Variants in ADGRL3 observed in about 807,000 individuals in gnomAD.
ADGRL3 encodes calcium-independent alpha-latrotoxin receptor 3.
Under a neutral mutation model 153.5 loss-of-function variants are expected in ADGRL3, and 62 were observed. That is an observed-to-expected ratio of 0.40 (90% CI 0.33 to 0.50). The LOEUF (loss-of-function observed/expected upper bound fraction) is 0.50, where lower values mean the gene tolerates loss of function less well. Among genes scored for constraint, ADGRL3 ranks in the 20% least tolerant of loss-of-function variants. The probability of loss-of-function intolerance (pLI) is 0.47; values close to 1 mark genes in which losing one functional copy is unlikely to be tolerated. For missense variants in ADGRL3, 1,641 were observed against 1,859.4 expected (o/e 0.88, Z 2.16); for synonymous variants, 710 against 672.5 (o/e 1.06, Z -0.86).
At chr4:61,907,111 G>T (rs1270371740) in intron 11 of ADGRL3, among the ~76,000 whole-genome samples, 4 of 152,110 alleles carry the variant, frequency 2.6e-5, no homozygotes, top group Admixed American at 6.5e-5. Context: ...AGGGCTTTTG[G>T]ATCTTGCCCA....
At chr4:61,860,529 A>G in intron 9 of ADGRL3, among the ~76,000 whole-genome samples, 1 of 151,944 alleles carries the variant, frequency 6.6e-6, no homozygotes, top group Admixed American at 6.6e-5. Context: ...GGAGTAGAAG[A>G]CTTTTATGAT....
chr4:62,050,147 C>T (rs561307758), intron 25 of ADGRL3, among the ~76,000 whole-genome samples: 30 of 152,050 alleles, frequency 2.0e-4, no homozygotes, highest in African/African-American at 7.0e-4. Context: ...GATTGTGCTA[C>T]CCTGGAGGCT....
At chr4:61,706,284 T>C (rs1289863351) in intron 6 of ADGRL3, among the ~76,000 whole-genome samples, 1 of 151,950 alleles carries the variant, frequency 6.6e-6, no homozygotes, top group East Asian at 1.9e-4. Flanking sequence ...TAGCTGGGCG[T>C]GGTGGCACAT....
intron 21 of ADGRL3, among the ~76,000 whole-genome samples, chr4:62,011,482 G>A (rs1166700651): frequency 1.3e-5 from 2 of 151,982 alleles, no homozygotes; most frequent in Non-Finnish European, 2.9e-5. Context: ...CTCGGTATAG[G>A]GCGGTTATCT....
intron 1 of ADGRL3, among the ~76,000 whole-genome samples, chr4:61,225,417 T>C (rs560366892): frequency 3.9e-4 from 60 of 152,298 alleles, no homozygotes; most frequent in Admixed American, 2.0e-3. Flanking sequence ...ATATAACCTT[T>C]CCATTTCTCC....
chr4:61,920,012 CTCTT>C (rs888958313), intron 13 of ADGRL3, among the ~76,000 whole-genome samples: 2 of 152,130 alleles, frequency 1.3e-5, no homozygotes, highest in African/African-American at 4.8e-5. Flanking sequence ...AATATTTTCT[CTCTT>C]CTTTGCACCA....
chr4:61,930,106 G>A (rs566879234), intron 13 of ADGRL3, among the ~76,000 whole-genome samples: 10 of 151,710 alleles, frequency 6.6e-5, no homozygotes, highest in Admixed American at 5.3e-4. Context: ...AACCTGGGAG[G>A]TGGAGCTTGC....
intron 1 of ADGRL3, among the ~76,000 whole-genome samples, chr4:61,239,184 G>A (rs1387964644): frequency 6.6e-6 from 1 of 152,156 alleles, no homozygotes; most frequent in Admixed American, 6.6e-5. Context: ...GGTTAGGAGA[G>A]TCAAAGCATG....
intron 1 of ADGRL3, among the ~76,000 whole-genome samples, chr4:61,355,175 A>T (rs886686632): frequency 7.2e-5 from 11 of 152,050 alleles, no homozygotes; most frequent in Non-Finnish European, 1.6e-4. Flanking sequence ...GCAAAATGAG[A>T]TGTACTCTGT....
intron 4 of ADGRL3, among the ~76,000 whole-genome samples, chr4:61,525,303 C>T (rs1328364423): frequency 6.6e-6 from 1 of 151,904 alleles, no homozygotes; most frequent in Non-Finnish European, 1.5e-5. Flanking sequence ...GGAGGGTGTT[C>T]CAGAGAACTG....
In ADGRL3 at chr4:61,491,565, C is replaced by T. The variant is rs1417608365; in HGVS notation, c.-173-5556C>T. The stretch of plus-strand genomic sequence containing the variant: ...TTAAATAAAACAACTGGTTATTCTT[C>T]TTTGTAATTTATATCATTTCTTTTT... On this transcript the variant is annotated intron_variant, in intron 2 of 26. Coordinates refer to ENST00000683033, the MANE Select transcript of ADGRL3 (RefSeq NM_001387552.1). Among the ~76,000 whole-genome samples the T allele has an allele frequency of 2.6e-5, 4 of 152,104 alleles. No homozygotes were observed. The East Asian group carries it at 7.8e-4, about 30-fold the overall frequency.
In ADGRL3 at chr4:61,756,884, G is replaced by T. The variant is rs901542648; in HGVS notation, c.1399+23330G>T. Among the ~76,000 whole-genome samples, 5 of 152,104 alleles carry T rather than the reference G, an allele frequency of 3.3e-5. No homozygotes were observed. The East Asian group carries it at 9.6e-4, about 29-fold the overall frequency. On this transcript the variant is annotated intron_variant, in intron 8 of 26. Coordinates refer to ENST00000683033, the MANE Select transcript of ADGRL3 (RefSeq NM_001387552.1). ...CTGCATCTATTGAGATAATCATATG[G>T]TTTTTGTCATTGGTTCTGTTTATAT...
chr4:61,315,999 A>C (rs2095198311), intron 1 of ADGRL3, among the ~76,000 whole-genome samples: 1 of 152,186 alleles, frequency 6.6e-6, no homozygotes, highest in Non-Finnish European at 1.5e-5. Flanking sequence ...ACAATAAACA[A>C]ATTTGTTCCA....
chr4:61,590,944 T>C (rs1285222376), intron 5 of ADGRL3, among the ~76,000 whole-genome samples: 1 of 152,198 alleles, frequency 6.6e-6, no homozygotes, highest in South Asian at 2.1e-4. Flanking sequence ...GGACGTTTTA[T>C]TGATGTATAA....
chr4:62,011,291 A>G (rs143666651), intron 21 of ADGRL3, among the ~76,000 whole-genome samples: 194 of 152,232 alleles, frequency 1.3e-3, no homozygotes, highest in African/African-American at 4.5e-3. Flanking sequence ...AAGGAACACA[A>G]TTAAACTTGG....
intron 1 of ADGRL3, among the ~76,000 whole-genome samples, chr4:61,224,505 C>G (rs1747038566): frequency 6.6e-6 from 1 of 152,158 alleles, no homozygotes; most frequent in Non-Finnish European, 1.5e-5. Flanking sequence ...TCCAGATTTT[C>G]TCTGGAGGAA....
chr4:61,756,697 C>T (rs992577493), intron 8 of ADGRL3, among the ~76,000 whole-genome samples: 13 of 152,114 alleles, frequency 8.5e-5, no homozygotes, highest in African/African-American at 2.2e-4. Flanking sequence ...TGTCTTGTGC[C>T]GGTTTCCAAA....
chr4:61,563,772 G>A (rs1199332724), intron 4 of ADGRL3, among the ~76,000 whole-genome samples: 2 of 152,170 alleles, frequency 1.3e-5, no homozygotes, highest in African/African-American at 4.8e-5. Flanking sequence ...CACTTTGGGA[G>A]GTCGAGGCGG....
chr4:61,447,986 G>T (rs931642194), intron 2 of ADGRL3, among the ~76,000 whole-genome samples: 6 of 152,194 alleles, frequency 3.9e-5, no homozygotes, highest in African/African-American at 1.4e-4. Flanking sequence ...TGGCAGTGCT[G>T]CCTATAGAAA....
Sources: allele counts gnomAD v4.1 joint callset (sites outside exome capture counted in the v4.1 genomes callset), GRCh38; gene constraint gnomAD v4.1.1; transcripts MANE v1.5; gene names NCBI Gene and HGNC (gene_info 2026-07-23, HGNC 2026-07-21).